WDR25: variants seen among roughly 807,000 people sequenced by gnomAD.
The protein encoded by WDR25 is WD repeat domain 25, also known as WD repeat-containing protein 25.
A neutral mutation model predicts 47.7 loss-of-function variants in WDR25; 35 were observed. The observed-to-expected ratio is 0.73, with a 90% CI of 0.56 to 0.97. The LOEUF is 0.97. Among genes scored for constraint, WDR25 ranks in the 50% least tolerant of loss-of-function variants. The pLI, the probability that WDR25 is intolerant of heterozygous loss-of-function variation, is 0.00. For missense variants in WDR25, 634 were observed against 704.7 expected, an observed-to-expected ratio of 0.90 and a Z score of 1.14; for synonymous variants, 248 against 278.9, an observed-to-expected ratio of 0.89 and a Z score of 1.10.
chr14:100,468,154 C>T lies in WDR25; in HGVS notation c.956C>T (p.Thr319Ile), dbSNP rs900520831. Residue 319 changes from threonine (T) to isoleucine (I), a missense_variant, in exon 3 of 7, where the codon ACA becomes ATA. Transcript: ENST00000402312. This position sits in a 1 kb window ranked among gnomAD's most constrained non-coding sequence, Gnocchi z 4.5. ...SGGFDFALHL[T>I]DLETGTQLFS... ...GGCTTTGACTTCGCGCTGCACCTAACAGACCTTGAAACAGGTGCGTTTCTT... is the reference window on the plus strand; with the variant it reads ...GGCTTTGACTTCGCGCTGCACCTAATAGACCTTGAAACAGGTGCGTTTCTT... 1 of 1,612,972 alleles carries T rather than the reference C, an allele frequency of 6.2e-7. No homozygotes were observed. Among genetic ancestry groups the T allele is most frequent in the African/African-American group, 1.3e-5 (1 of 75,044 alleles).
intron 2 of WDR25, among the ~76,000 whole-genome samples, chr14:100,458,969 C>T (rs1899291207): frequency 6.6e-6 from 1 of 152,132 alleles, no homozygotes; most frequent in Non-Finnish European, 1.5e-5. Context: ...GTGATCTCAG[C>T]TTCTACCTTA....
chr14:100,496,964 T>C (rs1175987732), intron 4 of WDR25, among the ~76,000 whole-genome samples: 1 of 149,998 alleles, frequency 6.7e-6, no homozygotes, highest in Non-Finnish European at 1.5e-5. Flanking sequence ...GTCTCCAGAA[T>C]AGCTGGGACT....
chr14:100,426,068 G>T (rs777081686), intron 2 of WDR25, among the ~76,000 whole-genome samples: 9 of 152,166 alleles, frequency 5.9e-5, no homozygotes, highest in Non-Finnish European at 1.2e-4. Context: ...AAAATTAATA[G>T]ATATGTCCTT....
intron 2 of WDR25, among the ~76,000 whole-genome samples, chr14:100,413,074 C>A (rs960793192): frequency 6.6e-6 from 1 of 152,234 alleles, no homozygotes; most frequent in Non-Finnish European, 1.5e-5. Flanking sequence ...AAGTGATCCA[C>A]CTGCCTTGGC....
At chr14:100,435,186 G>T (rs1291468354) in intron 2 of WDR25, among the ~76,000 whole-genome samples, 1 of 152,200 alleles carries the variant, frequency 6.6e-6, no homozygotes, top group Non-Finnish European at 1.5e-5. Flanking sequence ...TGGTCCTAGA[G>T]GTTGAGGCCA....
chr14:100,487,373 A>G (rs1900419687), intron 4 of WDR25, among the ~76,000 whole-genome samples: 2 of 152,254 alleles, frequency 1.3e-5, no homozygotes, highest in Non-Finnish European at 1.5e-5. Context: ...AGGCTAGTCC[A>G]GCTTGCTGCC....
chr14:100,460,112 ATT>A (rs35102087), intron 2 of WDR25, among the ~76,000 whole-genome samples: 43 of 129,638 alleles, frequency 3.3e-4, no homozygotes, highest in African/African-American at 5.6e-4. Flanking sequence ...TAGATACAAA[ATT>A]TTTTTTTTTT....
chr14:100,520,150 TG>T (rs1901669746), intron 4 of WDR25, among the ~76,000 whole-genome samples: 1 of 150,754 alleles, frequency 6.6e-6, no homozygotes, highest in Admixed American at 6.6e-5. Context: ...CCAGTTTAGC[TG>T]GGTTTAAGAA....
Position 100,392,868 on chromosome 14 carries a change from G to A in WDR25, c.822+11122G>A, listed in dbSNP as rs1897175227. ...CTTTTCTGTTGGATTATTTCTTTCG[G>A]ATTGATTCCCAGAAGTGGGACTGCT... On this transcript the variant is annotated intron_variant, in intron 2 of 6. Coordinates refer to ENST00000402312, the MANE Select transcript of WDR25 (RefSeq NM_001161476.3). The surrounding 1 kb of genome is among the most constrained non-coding windows in gnomAD (Gnocchi z 4.2). 6.6e-6 allele frequency among the ~76,000 whole-genome samples: 1 copy of A among 152,188 alleles called. No homozygotes were observed. Among genetic ancestry groups the A allele is most frequent in the African/African-American group, 2.4e-5 (1 of 41,438 alleles).
chr14:100,447,203 G>C (rs892138004), intron 2 of WDR25, among the ~76,000 whole-genome samples: 1 of 152,240 alleles, frequency 6.6e-6, no homozygotes, highest in Admixed American at 6.5e-5. Context: ...GCTGAGCAGT[G>C]TTGAGTGAAC....
At chr14:100,408,599 G>A (rs552881326) in intron 2 of WDR25, among the ~76,000 whole-genome samples, 10 of 152,134 alleles carry the variant, frequency 6.6e-5, no homozygotes, top group African/African-American at 1.9e-4. Context: ...GAATATTTAC[G>A]CAGGCAGGCA....
intron 4 of WDR25, among the ~76,000 whole-genome samples, chr14:100,492,624 C>G (rs533814592): frequency 2.0e-5 from 3 of 152,180 alleles, no homozygotes. Context: ...CATATTGCCA[C>G]TAAAATAAGC....
At chr14:100,434,545 G>A (rs757418048) in intron 2 of WDR25, among the ~76,000 whole-genome samples, 15 of 152,318 alleles carry the variant, frequency 9.8e-5, no homozygotes, top group Admixed American at 1.3e-4. Context: ...CCCCCTTTCA[G>A]TGTGGTTATG....
At position 100,529,404 on chromosome 14, in the gene WDR25, C is replaced by T; in HGVS notation, c.1413+196C>T. On this transcript the variant is annotated intron_variant, in intron 6 of 6. Transcript: ENST00000402312. The surrounding 1 kb of genome is among the most constrained non-coding windows in gnomAD (Gnocchi z 5.1). ...CACATCTGGTCCTCACCCCAGGCCC[C>T]ACGTACTGGGCAGGAAGCAGTAGTT... 1 of 799,910 alleles carries T rather than the reference C, an allele frequency of 1.3e-6. No homozygotes were observed. Among genetic ancestry groups the T allele is most frequent in the African/African-American group, 1.7e-5 (1 of 57,814 alleles). 49.6% of individuals were successfully genotyped at this position (799,910 alleles called of 1,614,324 possible).
chr14:100,485,756 AATTTGCCT>A (rs1309980661), intron 4 of WDR25, among the ~76,000 whole-genome samples: 1 of 152,092 alleles, frequency 6.6e-6, no homozygotes, highest in Non-Finnish European at 1.5e-5. Flanking sequence ...CTAGATTCCA[AATTTGCCT>A]TCTTGCTTCA....
chr14:100,447,948 C>T (rs1898892309), intron 2 of WDR25, among the ~76,000 whole-genome samples: 2 of 151,988 alleles, frequency 1.3e-5, no homozygotes, highest in Non-Finnish European at 2.9e-5. Flanking sequence ...AATCCCAGCA[C>T]TTTGGGAGGC....
At chr14:100,444,143 C>T (rs1255591338) in intron 2 of WDR25, among the ~76,000 whole-genome samples, 2 of 152,138 alleles carry the variant, frequency 1.3e-5, no homozygotes, top group African/African-American at 2.4e-5. Flanking sequence ...GCACACCTGG[C>T]GGGGCATGCC....
At chr14:100,492,520 C>T (rs1595143538) in intron 4 of WDR25, among the ~76,000 whole-genome samples, 1 of 152,332 alleles carries the variant, frequency 6.6e-6, no homozygotes, top group East Asian at 1.9e-4. Flanking sequence ...ATGCAGCAGG[C>T]AGTTTCAGAA....
At position 100,529,639 on chromosome 14, in the gene WDR25, G is replaced by A. The variant is rs754853759; in HGVS notation, c.1414-181G>A. ...CTGCTGAACTGGCCTTGGGATGTGG[G>A]CCCGCATCAGGGCTCTACAGCCTCA... is the stretch of plus-strand genomic sequence containing the variant. On this transcript the variant is annotated intron_variant, in intron 6 of 6. Transcript: ENST00000402312. This position sits in a 1 kb window ranked among gnomAD's most constrained non-coding sequence, Gnocchi z 5.1. 2.9e-6 allele frequency: 2 copies of A among 681,050 alleles called. No individual in the cohort carries two copies. The highest frequency in any genetic ancestry group is 1.9e-5 in the South Asian group (1 of 52,160). The allele number at this position is 681,050 out of a possible 1,614,324, so 42.2% of individuals were successfully genotyped here.
Sources: gnomAD v4.1 joint callset for allele counts (sites outside exome capture counted in the v4.1 genomes callset) on GRCh38, gnomAD v4.1.1 for gene constraint, Gnocchi (gnomAD v3.1) non-coding constraint, MANE v1.5 for transcripts, NCBI Gene and HGNC (gene_info 2026-07-23, HGNC 2026-07-21) for gene names.